The following MBOAT2 variants were observed in gnomAD, a reference collection of about 807,000 sequenced individuals.
MBOAT2 encodes membrane-bound glycerophospholipid O-acyltransferase 2.
Under a neutral mutation model 63.4 loss-of-function variants are expected in MBOAT2, and 28 were observed. The ratio of observed to expected loss-of-function variants is 0.44; its 90% CI spans 0.33 to 0.61. MBOAT2 has a LOEUF of 0.61. Among genes scored for constraint, MBOAT2 ranks in the 20% least tolerant of loss-of-function variants. The probability of loss-of-function intolerance (pLI) is 0.03; values close to 1 mark genes in which losing one functional copy is unlikely to be tolerated. For synonymous variants in MBOAT2, 211 were observed against 215.6 expected (o/e 0.98, Z 0.19); for missense variants, 470 against 605.8 (o/e 0.78, Z 2.35).
chr2:8,951,155 G>T (rs1406902621), intron 2 of MBOAT2, among the ~76,000 whole-genome samples: 2 of 151,366 alleles, frequency 1.3e-5, no homozygotes, highest in Admixed American at 6.6e-5. Flanking sequence ...TTAATAAGGG[G>T]TCCCTTCTCC....
In MBOAT2 at chr2:8,864,254, T is replaced by G; in HGVS notation, c.988-20A>C. 6.7e-7 allele frequency: 1 copy of G among 1,489,488 alleles called. No individual in the cohort carries two copies. Among genetic ancestry groups the G allele is most frequent in the Non-Finnish European group, 9.1e-7 (1 of 1,101,392 alleles). The allele number at this position is 1,489,488 out of a possible 1,614,324, so 92.3% of individuals were successfully genotyped here. On this transcript the variant is annotated intron_variant, in intron 9 of 12. Coordinates refer to ENST00000305997, the MANE Select transcript of MBOAT2 (RefSeq NM_138799.4). ...TGACATCTGAAAAAAAAGGAAACTT[T>G]TTTCTTTGTGTCACAAAATAATGAA...
intron 1 of MBOAT2, among the ~76,000 whole-genome samples, chr2:8,977,776 T>TC (rs1190234463): frequency 6.6e-6 from 1 of 152,094 alleles, no homozygotes; most frequent in Non-Finnish European, 1.5e-5. Context: ...AACTGCTGAT[T>TC]CCCCTCACCA....
chr2:8,938,955 G>C (rs1043817499), intron 3 of MBOAT2, among the ~76,000 whole-genome samples: 5 of 152,158 alleles, frequency 3.3e-5, no homozygotes, highest in Non-Finnish European at 7.3e-5. Context: ...AGCTATTTTT[G>C]TAAACTCTCT....
intron 1 of MBOAT2, among the ~76,000 whole-genome samples, chr2:8,971,463 G>A (rs931555201): frequency 2.0e-5 from 3 of 152,154 alleles, no homozygotes; most frequent in Non-Finnish European, 4.4e-5. Flanking sequence ...GCACAAAACA[G>A]GGATGCCCTG....
chr2:8,972,299 A>T (rs1171384828), intron 1 of MBOAT2, among the ~76,000 whole-genome samples: 1 of 152,256 alleles, frequency 6.6e-6, no homozygotes, highest in East Asian at 1.9e-4. Flanking sequence ...TGGTGCTGGA[A>T]AAACTGGCTA....
chr2:8,964,837 T>G (rs1196550869), intron 1 of MBOAT2, among the ~76,000 whole-genome samples: 1 of 152,240 alleles, frequency 6.6e-6, no homozygotes, highest in Non-Finnish European at 1.5e-5. Flanking sequence ...TCCTGATTAC[T>G]AGCCAGGATG....
intron 6 of MBOAT2, among the ~76,000 whole-genome samples, chr2:8,877,790 T>C (rs1029265038): frequency 6.6e-6 from 1 of 152,014 alleles, no homozygotes; most frequent in African/African-American, 2.4e-5. Flanking sequence ...GTTGTGTGGA[T>C]GTTGGTGACA....
At position 9,003,679 on chromosome 2, in the gene MBOAT2, G is replaced by A. The variant is rs965805736; in HGVS notation, c.-65C>T. On this transcript the variant is annotated 5_prime_UTR_variant, in exon 1 of 13. Coordinates refer to ENST00000305997, the MANE Select transcript of MBOAT2 (RefSeq NM_138799.4). The surrounding 1 kb of genome is among the most constrained non-coding windows in gnomAD (Gnocchi z 5.4). ...CGCTCGCGCTGTGCCGGGCGACGACGAGGATGGGGATGCAGCGGCGCGCCC... is the reference window on the plus strand; with the variant it reads ...CGCTCGCGCTGTGCCGGGCGACGACAAGGATGGGGATGCAGCGGCGCGCCC... The A allele has an allele frequency of 2.9e-6, 3 of 1,033,406 alleles. No homozygotes were observed. The highest frequency in any genetic ancestry group is 1.7e-5 in the African/African-American group (1 of 58,252). The allele number at this position is 1,033,406 out of a possible 1,614,324, so 64.0% of individuals were successfully genotyped here. A position where few individuals can be genotyped will look rare whatever the true frequency, so the allele number is the denominator to read the frequency against.
rs891664301 is a variant in MBOAT2, at chr2:8,856,340, C to T, written c.*2339G>A. ...ACACACACACACACACACACACACA[C>T]GAACAAAACCCAACAAGTTTGTATT... On this transcript the variant is annotated 3_prime_UTR_variant, in exon 13 of 13. Coordinates refer to ENST00000305997, the MANE Select transcript of MBOAT2 (RefSeq NM_138799.4). This position sits in a 1 kb window ranked among gnomAD's most constrained non-coding sequence, Gnocchi z 4.2. 2.6e-5 allele frequency: 4 copies of T among 151,352 alleles called. No homozygotes were observed. Among genetic ancestry groups the T allele is most frequent in the Non-Finnish European group, 5.9e-5 (4 of 67,874 alleles). The allele number at this position is 151,352 out of a possible 1,614,324, so 9.4% of individuals were successfully genotyped here.
At chr2:8,927,722 A>G (rs1667030530) in intron 3 of MBOAT2, among the ~76,000 whole-genome samples, 1 of 152,116 alleles carries the variant, frequency 6.6e-6, no homozygotes, top group Non-Finnish European at 1.5e-5. Flanking sequence ...GGGAAGGAGG[A>G]GGAGCATCAC....
At chr2:8,997,000 C>A (rs1672356610) in intron 1 of MBOAT2, among the ~76,000 whole-genome samples, 1 of 152,108 alleles carries the variant, frequency 6.6e-6, no homozygotes, top group African/African-American at 2.4e-5. Context: ...GATTGGGAAG[C>A]CATGGTAGAA....
At chr2:8,997,556 T>A (rs768731323) in intron 1 of MBOAT2, among the ~76,000 whole-genome samples, 8 of 152,168 alleles carry the variant, frequency 5.3e-5, no homozygotes, top group Non-Finnish European at 8.8e-5. Flanking sequence ...GAAATACATA[T>A]GAACAGATGT....
chr2:8,889,472 T>A (rs12616242), intron 4 of MBOAT2, among the ~76,000 whole-genome samples: 76,777 of 152,030 alleles, frequency 0.51, 21,680 homozygotes, highest in East Asian at 0.7. Flanking sequence ...TTCTTACATT[T>A]ACATACTCAC....
At chr2:8,981,215 C>T (rs62119992) in intron 1 of MBOAT2, among the ~76,000 whole-genome samples, 8,559 of 152,154 alleles carry the variant, frequency 0.056, 238 homozygotes, top group Middle Eastern at 0.075. Flanking sequence ...TGGTACAAGG[C>T]TTCTTTTTGT....
intron 4 of MBOAT2, among the ~76,000 whole-genome samples, chr2:8,902,020 CTTG>C (rs1664972757): frequency 1.3e-5 from 2 of 152,292 alleles, no homozygotes; most frequent in Admixed American, 6.5e-5. Context: ...GGTCAACCAA[CTTG>C]TTGTCGGGAC....
chr2:8,871,653 CAT>C (rs1662334931), intron 8 of MBOAT2, among the ~76,000 whole-genome samples: 1 of 152,108 alleles, frequency 6.6e-6, no homozygotes, highest in African/African-American at 2.4e-5. Flanking sequence ...CATAAGGTAA[CAT>C]ATTTTAATTG....
rs999248020 is a variant in MBOAT2, at chr2:8,853,352, T to C, written c.*5327A>G. 1 of 152,208 alleles carries C rather than the reference T, an allele frequency of 6.6e-6. No homozygotes were observed. Among genetic ancestry groups the C allele is most frequent in the Admixed American group, 6.5e-5 (1 of 15,282 alleles). The allele number at this position is 152,208 out of a possible 1,614,324, so 9.4% of individuals were successfully genotyped here. On this transcript the variant is annotated 3_prime_UTR_variant, in exon 13 of 13. Coordinates refer to ENST00000305997, the MANE Select transcript of MBOAT2 (RefSeq NM_138799.4). ...AATGTACTTCATTGATAAATCTGTG[T>C]GCGCAGAACCAAAAATACATAAAAT... is the stretch of plus-strand genomic sequence containing the variant.
In MBOAT2 at chr2:8,908,720, C is replaced by A; in HGVS notation, c.300-4G>T. On this transcript the variant is annotated splice_region_variant and splice_polypyrimidine_tract_variant and intron_variant, in intron 3 of 12. Coordinates refer to ENST00000305997, the MANE Select transcript of MBOAT2 (RefSeq NM_138799.4). Reference sequence around the variant, plus strand: ...CAGAGCAAACACAAAGCAGTAACTGCAAAACAAAAATAAGCTACATTAATG... The same window carrying A: ...CAGAGCAAACACAAAGCAGTAACTGAAAAACAAAAATAAGCTACATTAATG... 1 of 1,579,340 alleles carries A rather than the reference C, an allele frequency of 6.3e-7. No individual in the cohort carries two copies. The highest frequency in any genetic ancestry group is 1.7e-5 in the Admixed American group (1 of 58,142).
At chr2:8,938,950 T>C (rs1445180021) in intron 3 of MBOAT2, among the ~76,000 whole-genome samples, 1 of 152,240 alleles carries the variant, frequency 6.6e-6, no homozygotes, top group African/African-American at 2.4e-5. Flanking sequence ...GGGTTAGCTA[T>C]TTTTGTAAAC....
Sources: gnomAD v4.1 joint callset for allele counts (sites outside exome capture counted in the v4.1 genomes callset) on GRCh38, gnomAD v4.1.1 for gene constraint, Gnocchi (gnomAD v3.1) non-coding constraint, MANE v1.5 for transcripts, NCBI Gene and HGNC (gene_info 2026-07-23, HGNC 2026-07-21) for gene names.